The following AGTPBP1 variants were observed in gnomAD, a reference collection of about 807,000 sequenced individuals.
AGTPBP1 encodes the protein ATP/GTP binding carboxypeptidase 1, also known as cytosolic carboxypeptidase 1.
A neutral mutation model predicts 143.9 loss-of-function variants in AGTPBP1; 70 were observed. The observed-to-expected ratio is 0.49, with a 90% CI of 0.40 to 0.59. The LOEUF (loss-of-function observed/expected upper bound fraction) is 0.59. Among genes scored for constraint, AGTPBP1 ranks in the 20% least tolerant of loss-of-function variants. The pLI is 0.00. For synonymous variants in AGTPBP1, 463 were observed against 500.2 expected (o/e 0.93, Z 0.99); for missense variants, 1,229 against 1,464.5 (o/e 0.84, Z 2.62).
intron 17 of AGTPBP1, among the ~76,000 whole-genome samples, chr9:85,617,330 C>T (rs950114416): frequency 1.4e-4 from 21 of 152,100 alleles, no homozygotes; most frequent in African/African-American, 4.6e-4. Flanking sequence ...TAACTTGTCA[C>T]ACATATGTTT....
intron 24 of AGTPBP1, among the ~76,000 whole-genome samples, chr9:85,576,226 A>G (rs1827892028): frequency 6.6e-6 from 1 of 152,178 alleles, no homozygotes; most frequent in Non-Finnish European, 1.5e-5. Flanking sequence ...TATTTTTCAG[A>G]TACAAATAAA....
At chr9:85,667,139 T>C (rs189926391) in intron 8 of AGTPBP1, among the ~76,000 whole-genome samples, 2 of 152,248 alleles carry the variant, frequency 1.3e-5, no homozygotes, top group Admixed American at 6.5e-5. Flanking sequence ...ATATTCTGTG[T>C]TACTGATTGT....
chr9:85,633,659 T>G lies in AGTPBP1; in HGVS notation c.1303-285A>C, dbSNP rs112398222. Among the ~76,000 whole-genome samples, 946 of 152,280 alleles carry G rather than the reference T, an allele frequency of 6.2e-3. 17 individuals carry two copies. Among genetic ancestry groups the G allele is most frequent in the African/African-American group, 0.021 (858 of 41,546 alleles). ...AATCCTATTAGGGACAACAACTAAATTGTTATTCATTCATTCAATAACATT... is the reference window on the plus strand; with the variant it reads ...AATCCTATTAGGGACAACAACTAAAGTGTTATTCATTCATTCAATAACATT... On this transcript the variant is annotated intron_variant, in intron 13 of 25. Transcript: ENST00000357081.
At chr9:85,740,961 C>T (rs192249102) in intron 1 of AGTPBP1, among the ~76,000 whole-genome samples, 14 of 152,252 alleles carry the variant, frequency 9.2e-5, no homozygotes, top group African/African-American at 2.9e-4. Context: ...TGAGTAAACG[C>T]CCAAGAAAGG....
At chr9:85,785,162 A>T in the AGTPBP1 span, among the ~76,000 whole-genome samples, 3 of 151,814 alleles carry the variant, frequency 2.0e-5, no homozygotes, top group Non-Finnish European at 4.4e-5. Context: ...GTGAAACCCC[A>T]TCTCTACTAA....
intron 14 of AGTPBP1, among the ~76,000 whole-genome samples, chr9:85,628,585 TTGA>T (rs1156429780): frequency 6.6e-6 from 1 of 152,178 alleles, no homozygotes; most frequent in Admixed American, 6.5e-5. Flanking sequence ...AAAGAAATCT[TTGA>T]AACTTCTGGA....
At chr9:85,674,883 C>CAGGCAAAGGCAAAA (rs1834725904) in intron 6 of AGTPBP1, among the ~76,000 whole-genome samples, 1 of 152,080 alleles carries the variant, frequency 6.6e-6, no homozygotes, top group East Asian at 1.9e-4. Context: ...ATGTATGCCA[C>CAGGCAAAGGCAAAA]AGGCAAAGGC....
the AGTPBP1 span, among the ~76,000 whole-genome samples, chr9:85,782,231 T>C: frequency 1.1e-4 from 16 of 152,060 alleles, no homozygotes; most frequent in Non-Finnish European, 2.2e-4. Context: ...AGAAGTAGAA[T>C]TGGCTAGGTG....
At chr9:85,566,343 G>T (rs1201489840) in intron 25 of AGTPBP1, among the ~76,000 whole-genome samples, 1 of 151,112 alleles carries the variant, frequency 6.6e-6, no homozygotes, top group Non-Finnish European at 1.5e-5. Context: ...ACATAGGGAG[G>T]CTCCCTCTCT....
chr9:85,577,854 T>C (rs1827993812), intron 24 of AGTPBP1, among the ~76,000 whole-genome samples: 2 of 152,218 alleles, frequency 1.3e-5, no homozygotes, highest in Non-Finnish European at 2.9e-5. Flanking sequence ...AAAAAGTCAT[T>C]ATTTAAGCTC....
chr9:85,731,152 G>T (rs1158819807), intron 1 of AGTPBP1, among the ~76,000 whole-genome samples: 1 of 152,148 alleles, frequency 6.6e-6, no homozygotes, highest in Non-Finnish European at 1.5e-5. Flanking sequence ...CATAGCCAGG[G>T]TCAAGAACCA....
At chr9:85,639,696 A>G (rs1017618470) in intron 13 of AGTPBP1, among the ~76,000 whole-genome samples, 1 of 152,242 alleles carries the variant, frequency 6.6e-6, no homozygotes, top group African/African-American at 2.4e-5. Context: ...AAAATATAAC[A>G]AAAGTCCATA....
intron 7 of AGTPBP1, among the ~76,000 whole-genome samples, chr9:85,672,113 C>T (rs1834520041): frequency 6.6e-6 from 1 of 151,982 alleles, no homozygotes; most frequent in African/African-American, 2.4e-5. Flanking sequence ...CTCTATCACC[C>T]AGGCTGGAGT....
In AGTPBP1 at chr9:85,664,668, C is replaced by A. The variant is rs186621263; in HGVS notation, c.663-3695G>T. ...AAGTAAACCCCTCTTCCTATGGTTA[C>A]TCTGTTTAATTTCTACATGTTATAA... is the stretch of plus-strand genomic sequence containing the variant. On this transcript the variant is annotated intron_variant, in intron 8 of 25. Transcript: ENST00000357081. Among the ~76,000 whole-genome samples, 359 of 152,156 alleles carry A rather than the reference C, an allele frequency of 2.4e-3. 2 individuals carry two copies. Among genetic ancestry groups the A allele is most frequent in the Middle Eastern group, 0.01 (3 of 294 alleles).
chr9:85,779,293 C>G, the AGTPBP1 span, among the ~76,000 whole-genome samples: 1 of 149,250 alleles, frequency 6.7e-6, no homozygotes, highest in Non-Finnish European at 1.5e-5. Context: ...ATATCTATAT[C>G]TCTATATATA....
At chr9:85,768,365 A>G in the AGTPBP1 span, among the ~76,000 whole-genome samples, 1 of 152,214 alleles carries the variant, frequency 6.6e-6, no homozygotes, top group South Asian at 2.1e-4. Flanking sequence ...AACACTGTGG[A>G]TAGGTTCTTG....
intron 11 of AGTPBP1, among the ~76,000 whole-genome samples, 156 bp downstream of exon 11, chr9:85,654,987 C>T (rs62569179): frequency 0.017 from 2,548 of 152,298 alleles, 25 homozygotes; most frequent in Middle Eastern, 0.054. Flanking sequence ...CAATTTCTTA[C>T]ATTTAAAGAA....
intron 1 of AGTPBP1, among the ~76,000 whole-genome samples, chr9:85,726,221 C>T (rs1336653623): frequency 1.4e-5 from 2 of 139,984 alleles, no homozygotes; most frequent in Non-Finnish European, 3.1e-5. Flanking sequence ...CAGAACAAGA[C>T]TCTGTCTCAA....
intron 3 of AGTPBP1, among the ~76,000 whole-genome samples, chr9:85,686,975 T>C (rs1208977254): frequency 6.6e-6 from 1 of 152,144 alleles, no homozygotes; most frequent in East Asian, 1.9e-4. Context: ...TCCAACAATA[T>C]GTTATCTTCA....
Sources: allele counts gnomAD v4.1 joint callset (sites outside exome capture counted in the v4.1 genomes callset), GRCh38; gene constraint gnomAD v4.1.1; transcripts MANE v1.5; gene names NCBI Gene and HGNC (gene_info 2026-07-23, HGNC 2026-07-21).